The following HYDIN variants were observed in gnomAD, a reference collection of about 807,000 sequenced individuals.
HYDIN encodes axonemal central pair apparatus protein HYDIN.
A neutral mutation model predicts 403.9 loss-of-function variants in HYDIN; 132 were observed. That is an observed-to-expected ratio of 0.33 (90% confidence interval 0.28 to 0.38). The LOEUF (loss-of-function observed/expected upper bound fraction) is 0.38. HYDIN is among the 10% of genes least tolerant of loss of function. The pLI is 1.00. For synonymous variants in HYDIN, 1,202 were observed against 1,891.7 expected (o/e 0.64, Z 9.46); for missense variants, 2,827 against 5,009.5 (o/e 0.56, Z 13.15).
At chr16:71,075,526 GAAT>G (rs2082602053) in intron 13 of HYDIN, among the ~76,000 whole-genome samples, 1 of 151,862 alleles carries the variant, frequency 6.6e-6, no homozygotes, top group Admixed American at 6.6e-5. Context: ...ATCTGATGGA[GAAT>G]AATGTTATCA....
At chr16:71,150,921 TG>T (rs1370300135) in intron 7 of HYDIN, among the ~76,000 whole-genome samples, 1 of 152,150 alleles carries the variant, frequency 6.6e-6, no homozygotes, top group African/African-American at 2.4e-5. Context: ...GATAAATGAA[TG>T]GCCAGTAAGC....
chr16:71,068,707 C>A (rs191655013), intron 14 of HYDIN, among the ~76,000 whole-genome samples: 1 of 152,336 alleles, frequency 6.6e-6, no homozygotes, highest in East Asian at 1.9e-4. Context: ...ATCCTGATTG[C>A]AGACAAAACA....
chr16:71,127,041 A>G (rs1166888309), intron 9 of HYDIN, among the ~76,000 whole-genome samples: 1 of 152,162 alleles, frequency 6.6e-6, no homozygotes, highest in African/African-American at 2.4e-5. Flanking sequence ...AACTGTATTT[A>G]TATAAAACTT....
chr16:71,066,939 T>A (rs1179252105), intron 15 of HYDIN: 2 of 648,954 alleles, frequency 3.1e-6, no homozygotes, highest in Non-Finnish European at 5.7e-6. Context: ...GAGCACTATG[T>A]TGAAAGATGA....
chr16:70,834,974 G>A (rs2037301440), intron 78 of HYDIN, among the ~76,000 whole-genome samples: 1 of 124,616 alleles, frequency 8.0e-6, no homozygotes, highest in African/African-American at 4.3e-5. Context: ...ACATATATGT[G>A]TGTATATATA....
At chr16:70,900,463 C>T (rs574971535) in intron 53 of HYDIN, among the ~76,000 whole-genome samples, 12 of 136,184 alleles carry the variant, frequency 8.8e-5, no homozygotes, top group South Asian at 2.4e-4. Flanking sequence ...GGTGACAGAG[C>T]GAGACTCCAT....
At chr16:70,961,024 T>G (rs2143950914) in intron 38 of HYDIN, among the ~76,000 whole-genome samples, 1 of 152,306 alleles carries the variant, frequency 6.6e-6, no homozygotes, top group East Asian at 1.9e-4. Flanking sequence ...GCTAAATAAC[T>G]CCCACTGTAT....
At chr16:71,084,839 G>A (rs557644880) in intron 12 of HYDIN, among the ~76,000 whole-genome samples, 1 of 150,070 alleles carries the variant, frequency 6.7e-6, no homozygotes, top group Non-Finnish European at 1.5e-5. Context: ...TGCTTTTTCT[G>A]TGTTTACTGA....
In HYDIN at chr16:71,224,566, T is replaced by C. The variant is rs561616759; in HGVS notation, c.-24+5996A>G. Among the ~76,000 whole-genome samples the C allele has an allele frequency of 1.4e-3, 202 of 145,670 alleles. 1 individual carries two copies. The highest frequency in any genetic ancestry group is 4.8e-3 in the African/African-American group (191 of 39,690). On this transcript the variant is annotated intron_variant, in intron 1 of 85. Transcript: ENST00000393567. ...AATTTGGCTAAGGTTTTTCTTTTTT[T>C]TTTTTTTTTTTTTGAGACGGAGTCT...
chr16:70,993,016 C>G (rs1044299562), intron 23 of HYDIN, among the ~76,000 whole-genome samples: 1 of 152,132 alleles, frequency 6.6e-6, no homozygotes, highest in Non-Finnish European at 1.5e-5. Flanking sequence ...ATCTATTTCA[C>G]TTATATACTC....
chr16:70,825,702 TCCCC>T (rs2143484405), intron 83 of HYDIN, among the ~76,000 whole-genome samples: 1 of 151,090 alleles, frequency 6.6e-6, no homozygotes, highest in African/African-American at 2.5e-5. Context: ...ACTCCCCTTT[TCCCC>T]AACCCATCCT....
chr16:71,196,947 C>T (rs2087725643), intron 1 of HYDIN, among the ~76,000 whole-genome samples: 1 of 152,116 alleles, frequency 6.6e-6, no homozygotes, highest in South Asian at 2.1e-4. Context: ...AATGGGTAAC[C>T]AGCAGCCCTC....
At chr16:71,044,899 G>T (rs2081403583) in intron 18 of HYDIN, among the ~76,000 whole-genome samples, 1 of 150,600 alleles carries the variant, frequency 6.6e-6, no homozygotes, top group African/African-American at 2.4e-5. Flanking sequence ...TCTTCTTCCG[G>T]TGATGATACA....
At chr16:70,970,468 G>C in intron 36 of HYDIN, 52 bp downstream of exon 36, 1 of 1,596,540 alleles carries the variant, frequency 6.3e-7, no homozygotes, top group Non-Finnish European at 8.6e-7. Context: ...AGAATTCAAG[G>C]GGAAAAAGAT....
intron 47 of HYDIN, among the ~76,000 whole-genome samples, chr16:70,914,257 T>G (rs2795763): frequency 6.6e-6 from 1 of 152,150 alleles, no homozygotes; most frequent in African/African-American, 2.4e-5. Context: ...TTTAAAGAAG[T>G]TCTGTTTTGA....
chr16:70,970,949 TA>T (rs1191745970), intron 35 of HYDIN, among the ~76,000 whole-genome samples, 190 bp from the exon 36 acceptor site: 9 of 152,220 alleles, frequency 5.9e-5, no homozygotes, highest in African/African-American at 2.2e-4. Context: ...CCAAGCATTG[TA>T]CCAAGTGCTA....
At chr16:70,819,896 C>T (rs1253417184) in intron 83 of HYDIN, among the ~76,000 whole-genome samples, 3 of 151,734 alleles carry the variant, frequency 2.0e-5, no homozygotes, top group Non-Finnish European at 4.4e-5. Context: ...CAAGCTCTGC[C>T]TCCCGGGTTC....
intron 1 of HYDIN, among the ~76,000 whole-genome samples, chr16:71,198,424 G>A (rs1486545174): frequency 2.0e-5 from 3 of 152,122 alleles, no homozygotes; most frequent in Non-Finnish European, 4.4e-5. Flanking sequence ...GGCTCTCTGT[G>A]TGGTCTTGGA....
intron 1 of HYDIN, among the ~76,000 whole-genome samples, chr16:71,222,455 T>C (rs1053082509): frequency 2.6e-5 from 4 of 152,146 alleles, no homozygotes; most frequent in African/African-American, 9.7e-5. Flanking sequence ...TCACCACTTT[T>C]ATTTGACATA....
Sources: allele counts gnomAD v4.1 joint callset (sites outside exome capture counted in the v4.1 genomes callset), GRCh38; gene constraint gnomAD v4.1.1; transcripts MANE v1.5; gene names NCBI Gene and HGNC (gene_info 2026-07-23, HGNC 2026-07-21).